Variants in RHOU observed in about 807,000 individuals in gnomAD.
RHOU encodes ras homolog family member U.
Under a neutral mutation model 12.6 loss-of-function variants are expected in RHOU, and 8 were observed. The ratio of observed to expected loss-of-function variants is 0.64; its 90% CI spans 0.37 to 1.15. The LOEUF (loss-of-function observed/expected upper bound fraction) is 1.15, where lower values mean the gene tolerates loss of function less well. Among genes scored for constraint, RHOU ranks in the 50% most tolerant of loss-of-function variants. The pLI is 0.01. For missense variants in RHOU, 258 were observed against 347.0 expected, an observed-to-expected ratio of 0.74 and a Z score of 2.04; for synonymous variants, 161 against 147.4, an observed-to-expected ratio of 1.09 and a Z score of -0.67.
chr1:228,721,687 T>A, the RHOU span, among the ~76,000 whole-genome samples: 1 of 152,320 alleles, frequency 6.6e-6, no homozygotes, highest in African/African-American at 2.4e-5. Flanking sequence ...TGAGACGGAG[T>A]TTCGCTCTGG....
chr1:228,663,312 A>ACAGTGTTT, the RHOU span, among the ~76,000 whole-genome samples: 2 of 152,150 alleles, frequency 1.3e-5, no homozygotes, highest in South Asian at 4.1e-4. Flanking sequence ...CTAGCACACT[A>ACAGTGTTT]CAGTGTTTCA....
At chr1:228,724,049 C>T in the RHOU span, among the ~76,000 whole-genome samples, 2 of 151,928 alleles carry the variant, frequency 1.3e-5, no homozygotes, top group Admixed American at 6.6e-5. Context: ...TGTTTTTTTT[C>T]GTCTCTGTGA....
the RHOU span, among the ~76,000 whole-genome samples, chr1:228,682,758 C>T: frequency 6.6e-6 from 1 of 152,098 alleles, no homozygotes; most frequent in African/African-American, 2.4e-5. Context: ...AACAGAAAAC[C>T]GGACCCACCA....
rs906566696 is a variant in RHOU at position 228,735,819 on chromosome 1, G to C, written c.77G>C (p.Gly26Ala). The C allele has an allele frequency of 1.6e-6, 2 of 1,224,912 alleles. No individual in the cohort carries two copies. Among genetic ancestry groups the C allele is most frequent in the African/African-American group, 3.1e-5 (2 of 63,682 alleles). 75.9% of individuals were successfully genotyped at this position (1,224,912 alleles called of 1,614,324 possible). Residue 26 changes from glycine (G) to alanine (A), a missense_variant, in exon 1 of 3, where the codon GGT becomes GCT. Transcript: ENST00000366691. This position sits in a 1 kb window ranked among gnomAD's most constrained non-coding sequence, Gnocchi z 8.1. The stretch of plus-strand genomic sequence containing the variant: ...CCGGTGCCGCCGCGTCGGGAGCGCG[G>C]TGGACGCGGGGGACGCGGGCCTGGG... ...APPVPPRRER[G>A]GRGGRGPGEP...
the RHOU span, among the ~76,000 whole-genome samples, chr1:228,677,146 G>A: frequency 2.0e-5 from 3 of 152,202 alleles, no homozygotes; most frequent in African/African-American, 7.2e-5. Context: ...TACAGTGGGA[G>A]AGACCCAACT....
Position 228,735,970 on chromosome 1 carries a change from C to A in RHOU, c.228C>A (p.Thr76=). The A allele has an allele frequency of 6.3e-7, 1 of 1,583,274 alleles. No individual in the cohort carries two copies. Among genetic ancestry groups the A allele is most frequent in the Non-Finnish European group, 8.6e-7 (1 of 1,169,172 alleles). The stretch of plus-strand genomic sequence containing the variant: ...GCTACACCACCAACGGCTACCCCAC[C>A]GAGTACATCCCTACTGCCTTCGACA... The part of the protein sequence containing the change: ...VVSYTTNGYP[T]EYIPTAFDNF... The change falls in exon 1 of 3, where the codon ACC becomes ACA. Residue 76 remains threonine (T), a synonymous_variant. Coordinates refer to ENST00000366691, the MANE Select transcript of RHOU (RefSeq NM_021205.6). This position sits in a 1 kb window ranked among gnomAD's most constrained non-coding sequence, Gnocchi z 8.1.
chr1:228,663,996 CCTCCCCTCCT>C, the RHOU span, among the ~76,000 whole-genome samples: 3 of 116,842 alleles, frequency 2.6e-5, no homozygotes, highest in African/African-American at 9.7e-5. Flanking sequence ...CCTCCCCTCC[CCTCCCCTCCT>C]CTCCCCTCTC....
chr1:228,722,676 G>T, the RHOU span, among the ~76,000 whole-genome samples: 1 of 151,032 alleles, frequency 6.6e-6, no homozygotes, highest in Non-Finnish European at 1.5e-5. Context: ...AGGCCGGAGT[G>T]CAGTGGCGCG....
At chr1:228,688,728 G>T in the RHOU span, among the ~76,000 whole-genome samples, 1 of 152,168 alleles carries the variant, frequency 6.6e-6, no homozygotes, top group Non-Finnish European at 1.5e-5. Context: ...CCCAGGATTG[G>T]TACTGCCTTT....
chr1:228,657,013 C>T, the RHOU span, among the ~76,000 whole-genome samples: 1 of 151,970 alleles, frequency 6.6e-6, no homozygotes, highest in Non-Finnish European at 1.5e-5. Context: ...TGGTGGCTCA[C>T]GCCTGTAATC....
At chr1:228,712,984 T>C in the RHOU span, among the ~76,000 whole-genome samples, 1 of 151,890 alleles carries the variant, frequency 6.6e-6, no homozygotes. Context: ...AAGGTATCGA[T>C]TAATTTCTTT....
chr1:228,706,005 A>G, the RHOU span, among the ~76,000 whole-genome samples: 1 of 152,198 alleles, frequency 6.6e-6, no homozygotes, highest in Non-Finnish European at 1.5e-5. Flanking sequence ...AGATTGCACC[A>G]TTGAACTTCA....
the RHOU span, among the ~76,000 whole-genome samples, chr1:228,716,155 C>T: frequency 3.3e-5 from 5 of 152,054 alleles, no homozygotes; most frequent in South Asian, 4.1e-4. Context: ...TAGGCTCAAG[C>T]GATCCTCCTG....
At chr1:228,718,093 G>A in the RHOU span, among the ~76,000 whole-genome samples, 1 of 152,246 alleles carries the variant, frequency 6.6e-6, no homozygotes, top group African/African-American at 2.4e-5. Context: ...TTTCCTTGGG[G>A]ACACTTAAAT....
At chr1:228,724,076 T>C in the RHOU span, among the ~76,000 whole-genome samples, 2 of 152,226 alleles carry the variant, frequency 1.3e-5, no homozygotes, top group Non-Finnish European at 2.9e-5. Flanking sequence ...TCCTGGAACA[T>C]GTTACATCAT....
Position 228,737,698 on chromosome 1 carries a change from C to T in RHOU, c.288C>T (p.Pro96=), listed in dbSNP as rs779364668. 1.6e-5 allele frequency: 26 copies of T among 1,614,006 alleles called. No individual in the cohort carries two copies. Among genetic ancestry groups the T allele is most frequent in the African/African-American group, 4.0e-5 (3 of 74,904 alleles). Residue 96 remains proline (P), a synonymous_variant, in exon 2 of 3, where the codon CCC becomes CCT. Transcript: ENST00000366691. This position sits in a 1 kb window ranked among gnomAD's most constrained non-coding sequence, Gnocchi z 4.1. ...CGGTGGTGTCTGTGGATGGGCGGCC[C>T]GTGAGACTCCAACTCTGTGACACTG... ...FSAVVSVDGR[P]VRLQLCDTAG...
the RHOU span, among the ~76,000 whole-genome samples, chr1:228,707,468 G>A: frequency 1.3e-5 from 2 of 151,284 alleles, no homozygotes; most frequent in African/African-American, 2.4e-5. Flanking sequence ...TCTGAGAACG[G>A]GCAGACTGCC....
chr1:228,693,627 C>T, the RHOU span, among the ~76,000 whole-genome samples: 9 of 152,168 alleles, frequency 5.9e-5, no homozygotes, highest in South Asian at 6.2e-4. Context: ...CCACCACGGC[C>T]GGCTAATTTT....
At chr1:228,688,814 A>C in the RHOU span, among the ~76,000 whole-genome samples, 1 of 152,158 alleles carries the variant, frequency 6.6e-6, no homozygotes, top group Non-Finnish European at 1.5e-5. Context: ...CGCAGGTAGA[A>C]TTCTCTCAGT....
Sources: allele counts gnomAD v4.1 joint callset (sites outside exome capture counted in the v4.1 genomes callset), GRCh38; gene constraint gnomAD v4.1.1; non-coding constraint Gnocchi (gnomAD v3.1); transcripts MANE v1.5; gene names NCBI Gene and HGNC (gene_info 2026-07-23, HGNC 2026-07-21).